CLEC2D: variants seen among roughly 807,000 people sequenced by gnomAD.
The protein encoded by CLEC2D is C-type lectin domain family 2 member D.
In CLEC2D, 16 loss-of-function variants were observed where a neutral mutation model predicts 20.0. That is an observed-to-expected ratio of 0.80 (90% CI 0.54 to 1.22). CLEC2D has a LOEUF of 1.22. CLEC2D is among the 50% of genes most tolerant of loss of function. CLEC2D has a pLI of 0.00. For missense variants in CLEC2D, 207 were observed against 221.5 expected, an observed-to-expected ratio of 0.93 and a Z score of 0.42; for synonymous variants, 77 against 71.1, an observed-to-expected ratio of 1.08 and a Z score of -0.42.
intron 2 of CLEC2D, among the ~76,000 whole-genome samples, chr12:9,683,341 T>TTG (rs1565467330): frequency 1.8e-5 from 2 of 110,036 alleles, no homozygotes; most frequent in African/African-American, 5.7e-5. Context: ...GTTTGTTTTT[T>TTG]TTTTTTTTTT....
chr12:9,671,065 G>C (rs770844478), intron 1 of CLEC2D, among the ~76,000 whole-genome samples: 2 of 152,126 alleles, frequency 1.3e-5, no homozygotes, highest in Non-Finnish European at 2.9e-5. Flanking sequence ...AGAAATGCGG[G>C]CCTCCTTTTA....
chr12:9,680,287 T>C, intron 1 of CLEC2D: 1 of 230,598 alleles, frequency 4.3e-6, no homozygotes, highest in East Asian at 1.3e-4. Context: ...CATGTAGAAT[T>C]GTGAGTCAGT....
rs1866073929 is a variant in CLEC2D at position 9,699,346 on chromosome 12, C to T, written c.*4472C>T. 1 of 152,170 alleles carries T rather than the reference C, an allele frequency of 6.6e-6. No individual in the cohort carries two copies. The highest frequency in any genetic ancestry group is 2.1e-4 in the South Asian group (1 of 4,830). 9.4% of individuals were successfully genotyped at this position (152,170 alleles called of 1,614,324 possible). On this transcript the variant is annotated 3_prime_UTR_variant, in exon 5 of 5. Transcript: ENST00000290855. ...CTTTTAATTATTCTTAATGGAAAGA[C>T]ACTTCTGTATACACTGGAAATCTCA...
In CLEC2D at chr12:9,690,657, A is replaced by T. The variant is rs78737182; in HGVS notation, c.358-2171A>T. Among the ~76,000 whole-genome samples the T allele has an allele frequency of 9.2e-3, 1,393 of 152,210 alleles. 15 individuals are homozygous for T. The highest frequency in any genetic ancestry group is 0.028 in the African/African-American group (1,182 of 41,578). On this transcript the variant is annotated intron_variant, in intron 3 of 4. Transcript: ENST00000290855. ...AGACATATAGGATCAAAATGTTTGC[A>T]TAGTTATTGAAGCTATGTTGATATT...
chr12:9,674,983 G>T (rs1406238766), intron 1 of CLEC2D, among the ~76,000 whole-genome samples: 1 of 152,014 alleles, frequency 6.6e-6, no homozygotes, highest in Non-Finnish European at 1.5e-5. Flanking sequence ...AGTCATTTTG[G>T]GGAAAAATGT....
intron 1 of CLEC2D, among the ~76,000 whole-genome samples, chr12:9,674,561 A>T (rs905448876): frequency 2.6e-5 from 4 of 152,206 alleles, no homozygotes; most frequent in Non-Finnish European, 4.4e-5. Flanking sequence ...CCCTTCAAGT[A>T]TGTTTTCTTT....
chr12:9,692,629 A>G (rs115355849), intron 3 of CLEC2D, among the ~76,000 whole-genome samples, 199 bp from the exon 4 acceptor site: 4,028 of 152,306 alleles, frequency 0.026, 189 homozygotes, highest in African/African-American at 0.092. Context: ...CAAATTATCA[A>G]CAATTTCTCT....
chr12:9,680,265 G>A, intron 1 of CLEC2D: 1 of 291,018 alleles, frequency 3.4e-6, no homozygotes, highest in Admixed American at 3.2e-5. Context: ...AGTTTCCTGA[G>A]GCCTCCCCAG....
chr12:9,699,548 T>A lies in CLEC2D; in HGVS notation c.*4674T>A, dbSNP rs184493623. On this transcript the variant is annotated 3_prime_UTR_variant, in exon 5 of 5. Transcript: ENST00000290855. ...ATAAACACTTTGAAAGGCAGTGAAC[T>A]GTAAATATATTACAGCTATCTCTTA... The A allele has an allele frequency of 6.6e-6, 1 of 152,188 alleles. No individual in the cohort carries two copies. Among genetic ancestry groups the A allele is most frequent in the Non-Finnish European group, 1.5e-5 (1 of 68,026 alleles). 9.4% of individuals were successfully genotyped at this position (152,188 alleles called of 1,614,324 possible). A position where few individuals can be genotyped will look rare whatever the true frequency, so the allele number is the denominator to read the frequency against.
intron 2 of CLEC2D, among the ~76,000 whole-genome samples, chr12:9,683,191 G>GT (rs1865673446): frequency 1.3e-5 from 2 of 151,840 alleles, no homozygotes; most frequent in Non-Finnish European, 2.9e-5. Context: ...TTTTGATAGG[G>GT]TTTTTTGTTT....
intron 2 of CLEC2D, among the ~76,000 whole-genome samples, chr12:9,682,058 A>C (rs992267656): frequency 1.3e-5 from 2 of 152,192 alleles, no homozygotes; most frequent in African/African-American, 4.8e-5. Context: ...TAAGCATATG[A>C]AATTGACACT....
At position 9,697,557 on chromosome 12, in the gene CLEC2D, A is replaced by T. The variant is rs1381181568; in HGVS notation, c.*2683A>T. ...TCTATATTTCTGTGTGTGTGTCTTT[A>T]GTTCCTCTGGCGCTGCTGGGTTAGG... On this transcript the variant is annotated 3_prime_UTR_variant, in exon 5 of 5. Coordinates refer to ENST00000290855, the MANE Select transcript of CLEC2D (RefSeq NM_013269.6). 1 of 152,028 alleles carries T rather than the reference A, an allele frequency of 6.6e-6. No homozygotes were observed. Among genetic ancestry groups the T allele is most frequent in the East Asian group, 1.9e-4 (1 of 5,196 alleles). 9.4% of individuals were successfully genotyped at this position (152,028 alleles called of 1,614,324 possible).
intron 1 of CLEC2D, among the ~76,000 whole-genome samples, chr12:9,678,526 T>G (rs1204013469): frequency 6.6e-6 from 1 of 152,126 alleles, no homozygotes; most frequent in African/African-American, 2.4e-5. Flanking sequence ...TGTTCTTTGT[T>G]TCTATTTTTG....
chr12:9,692,201 T>C (rs2120976250), intron 3 of CLEC2D, among the ~76,000 whole-genome samples: 1 of 152,310 alleles, frequency 6.6e-6, no homozygotes, highest in East Asian at 1.9e-4. Context: ...AGTGGCGTGA[T>C]CTTGGCTCAC....
At chr12:9,690,271 C>G (rs1203765515) in intron 3 of CLEC2D, among the ~76,000 whole-genome samples, 1 of 151,992 alleles carries the variant, frequency 6.6e-6, no homozygotes, top group Non-Finnish European at 1.5e-5. Flanking sequence ...CAAAGTTGTC[C>G]TTCAAGAATG....
In CLEC2D at chr12:9,692,869, T is replaced by A; in HGVS notation, c.399T>A (p.Ile133=). 6.2e-7 allele frequency: 1 copy of A among 1,613,574 alleles called. No homozygotes were observed. The highest frequency in any genetic ancestry group is 8.5e-7 in the Non-Finnish European group (1 of 1,179,718). ...LRYKGPSDHW[I]GLSREQGQPW... ...ATAAAGGCCCATCTGATCACTGGAT[T>A]GGGCTGAGCAGAGAACAAGGCCAAC... The change falls in exon 4 of 5, where the codon ATT becomes ATA. Residue 133 remains isoleucine (I), a synonymous_variant. Coordinates refer to ENST00000290855, the MANE Select transcript of CLEC2D (RefSeq NM_013269.6).
rs926337455 is a variant in CLEC2D at position 9,697,532 on chromosome 12, T to A, written c.*2658T>A. On this transcript the variant is annotated 3_prime_UTR_variant, in exon 5 of 5. Coordinates refer to ENST00000290855, the MANE Select transcript of CLEC2D (RefSeq NM_013269.6). ...GACCCCTGATTTCCCACTTCACACC[T>A]CTATATTTCTGTGTGTGTGTCTTTA... 1.4e-5 allele frequency: 2 copies of A among 139,150 alleles called. No homozygotes were observed. The highest frequency in any genetic ancestry group is 1.4e-4 in the Admixed American group (2 of 14,742). 8.6% of individuals were successfully genotyped at this position (139,150 alleles called of 1,614,324 possible).
intron 3 of CLEC2D, among the ~76,000 whole-genome samples, chr12:9,689,639 G>C (rs116486827): frequency 0.014 from 2,082 of 152,052 alleles, 34 homozygotes; most frequent in African/African-American, 0.041. Flanking sequence ...AACAAAATTA[G>C]AATATCAATA....
intron 4 of CLEC2D, chr12:9,693,733 ATTAAC>A (rs1225159425): frequency 3.7e-5 from 15 of 402,454 alleles, no homozygotes; most frequent in Admixed American, 2.8e-4. Flanking sequence ...AATATCTAGA[ATTAAC>A]TTTTATTTCT....
Sources: allele counts gnomAD v4.1 joint callset (sites outside exome capture counted in the v4.1 genomes callset), GRCh38; gene constraint gnomAD v4.1.1; transcripts MANE v1.5; gene names NCBI Gene and HGNC (gene_info 2026-07-23, HGNC 2026-07-21).